The following TACR1 variants were observed in gnomAD, a reference collection of about 807,000 sequenced individuals.
The protein encoded by TACR1 is tachykinin receptor 1.
In TACR1, 25 loss-of-function variants were observed where a neutral mutation model predicts 35.8. The observed-to-expected ratio is 0.70, with a 90% CI of 0.51 to 0.98. TACR1 has a LOEUF of 0.98. TACR1 is among the 50% of genes least tolerant of loss of function. TACR1 has a pLI of 0.00. For missense variants in TACR1, 478 were observed against 522.9 expected (o/e 0.91, Z 0.84); for synonymous variants, 195 against 206.7 (o/e 0.94, Z 0.48).
chr2:75,169,655 A>AT (rs1297813853), intron 1 of TACR1, among the ~76,000 whole-genome samples: 2 of 152,104 alleles, frequency 1.3e-5, no homozygotes, highest in South Asian at 2.1e-4. Context: ...ATGGGTATAG[A>AT]TTTTTTTCCA....
At chr2:75,179,178 A>T (rs990223683) in intron 1 of TACR1, among the ~76,000 whole-genome samples, 1 of 152,194 alleles carries the variant, frequency 6.6e-6, no homozygotes, top group Non-Finnish European at 1.5e-5. Flanking sequence ...TGAAATCAGC[A>T]TTCTCCCAGT....
At chr2:75,180,331 G>A (rs938429821) in intron 1 of TACR1, among the ~76,000 whole-genome samples, 3 of 152,172 alleles carry the variant, frequency 2.0e-5, no homozygotes, top group African/African-American at 7.2e-5. Context: ...CTGGCATATA[G>A]TTGATGTGTG....
chr2:75,116,205 A>G (rs1392505645), intron 2 of TACR1, among the ~76,000 whole-genome samples: 1 of 152,070 alleles, frequency 6.6e-6, no homozygotes, highest in Non-Finnish European at 1.5e-5. Context: ...CCCAGGCTCA[A>G]GTGATCCTCC....
intron 2 of TACR1, among the ~76,000 whole-genome samples, chr2:75,059,832 A>C (rs753615303): frequency 6.6e-6 from 1 of 152,102 alleles, no homozygotes; most frequent in Admixed American, 6.5e-5. Context: ...CTCTTCCTCA[A>C]ATGTCCTTCA....
chr2:75,129,885 G>T (rs903079269), intron 1 of TACR1, among the ~76,000 whole-genome samples: 1 of 152,128 alleles, frequency 6.6e-6, no homozygotes, highest in Non-Finnish European at 1.5e-5. Flanking sequence ...GCCAAAGGAA[G>T]GACTAGGAAG....
chr2:75,155,196 C>G (rs751225411), intron 1 of TACR1, among the ~76,000 whole-genome samples: 5 of 152,224 alleles, frequency 3.3e-5, no homozygotes, highest in African/African-American at 4.8e-5. Context: ...CCAGGACCCT[C>G]TCTCCATTCT....
At position 75,198,531 on chromosome 2, in the gene TACR1, A is replaced by T. The variant is rs1316808459; in HGVS notation, c.389+15T>A. ...TATGAGCACTTTCTCGCCTTTTCAC[A>T]AAGGCTAATCTCACCTATCAAAGGC... is the stretch of plus-strand genomic sequence containing the variant. On this transcript the variant is annotated intron_variant, in intron 1 of 4. Coordinates refer to ENST00000305249, the MANE Select transcript of TACR1 (RefSeq NM_001058.4). The T allele has an allele frequency of 2.5e-6, 4 of 1,605,944 alleles. No homozygotes were observed. The highest frequency in any genetic ancestry group is 2.6e-6 in the Non-Finnish European group (3 of 1,173,304).
At chr2:75,058,049 A>T (rs536508460) in intron 2 of TACR1, among the ~76,000 whole-genome samples, 11 of 152,342 alleles carry the variant, frequency 7.2e-5, no homozygotes, top group African/African-American at 2.6e-4. Flanking sequence ...TAAAAGGCAG[A>T]TTTGATCCTT....
intron 1 of TACR1, 125 bp downstream of exon 1, chr2:75,198,421 A>C: frequency 9.1e-7 from 1 of 1,097,616 alleles, no homozygotes; most frequent in Non-Finnish European, 1.3e-6. Flanking sequence ...TCAGTTGATC[A>C]GTAAAAAAAC....
intron 1 of TACR1, among the ~76,000 whole-genome samples, chr2:75,147,613 A>G (rs144954884): frequency 6.6e-6 from 1 of 151,824 alleles, no homozygotes; most frequent in Non-Finnish European, 1.5e-5. Context: ...CCCTGTGTCC[A>G]TGTGTTTTCA....
intron 1 of TACR1, among the ~76,000 whole-genome samples, chr2:75,178,690 A>G (rs964458731): frequency 1.3e-4 from 20 of 152,130 alleles, no homozygotes; most frequent in Non-Finnish European, 1.8e-4. Context: ...CGTCTTGTCA[A>G]ATCTAGTGGT....
chr2:75,191,540 C>A (rs1484986780), intron 1 of TACR1, among the ~76,000 whole-genome samples: 2 of 152,042 alleles, frequency 1.3e-5, no homozygotes, highest in Non-Finnish European at 2.9e-5. Flanking sequence ...GGCACAATAC[C>A]TGTTGAGGGT....
chr2:75,162,946 G>T (rs1022456234), intron 1 of TACR1, among the ~76,000 whole-genome samples: 1 of 152,116 alleles, frequency 6.6e-6, no homozygotes, highest in African/African-American at 2.4e-5. Context: ...CCCTGTCCTG[G>T]TCCCATAAGA....
At chr2:75,097,397 G>C (rs1357459874) in intron 2 of TACR1, among the ~76,000 whole-genome samples, 1 of 148,172 alleles carries the variant, frequency 6.7e-6, no homozygotes, top group Non-Finnish European at 1.5e-5. Context: ...TTTTCCTACT[G>C]TAGGTGGTGA....
intron 1 of TACR1, among the ~76,000 whole-genome samples, chr2:75,178,375 G>A (rs930924873): frequency 1.3e-5 from 2 of 152,034 alleles, no homozygotes; most frequent in East Asian, 3.9e-4. Flanking sequence ...AGTAGAGACG[G>A]GGTTTCACCA....
chr2:75,097,978 G>A (rs1673458216), intron 2 of TACR1, among the ~76,000 whole-genome samples: 1 of 152,340 alleles, frequency 6.6e-6, no homozygotes, highest in South Asian at 2.1e-4. Context: ...ACAATGTGAT[G>A]TCACTGAACA....
intron 1 of TACR1, among the ~76,000 whole-genome samples, chr2:75,126,072 T>G (rs1674065526): frequency 6.6e-6 from 1 of 152,162 alleles, no homozygotes; most frequent in Non-Finnish European, 1.5e-5. Flanking sequence ...CTCTTCCTCC[T>G]CTCACTCTCC....
At chr2:75,097,412 A>G (rs550857310) in intron 2 of TACR1, among the ~76,000 whole-genome samples, 63 of 150,720 alleles carry the variant, frequency 4.2e-4, no homozygotes, top group African/African-American at 1.4e-3. Flanking sequence ...TGGTGAAACT[A>G]TTTCTGTTCT....
At chr2:75,050,973 A>G (rs1300006371) in intron 4 of TACR1, 4 of 456,248 alleles carry the variant, frequency 8.8e-6, no homozygotes, top group African/African-American at 7.9e-5. Flanking sequence ...TAATTCCCCC[A>G]CTAGCTGCCA....
Sources: allele counts gnomAD v4.1 joint callset (sites outside exome capture counted in the v4.1 genomes callset), GRCh38; gene constraint gnomAD v4.1.1; transcripts MANE v1.5; gene names NCBI Gene and HGNC (gene_info 2026-07-23, HGNC 2026-07-21).